The following OTUD5 variants were observed in gnomAD, a reference collection of about 807,000 sequenced individuals.
The protein encoded by OTUD5 is OTU domain-containing protein 5.
In OTUD5, 2 loss-of-function variants were observed where a neutral mutation model predicts 36.3. The ratio of observed to expected loss-of-function variants is 0.06; its 90% CI spans 0.02 to 0.17. The LOEUF is 0.17. Among genes scored for constraint, OTUD5 ranks in the 10% least tolerant of loss-of-function variants. The pLI, the probability that OTUD5 is intolerant of heterozygous loss-of-function variation, is 1.00. For synonymous variants in OTUD5, 234 were observed against 214.9 expected (o/e 1.09, Z -0.78); for missense variants, 233 against 512.3 (o/e 0.45, Z 5.26).
intron 2 of OTUD5, among the ~76,000 whole-genome samples, chrX:48,935,430 T>C (rs373024151): frequency 3.6e-5 from 4 of 110,897 alleles, no homozygotes; most frequent in African/African-American, 1.3e-4. Flanking sequence ...AAAGAGTCAG[T>C]CTGTGACAGA....
intron 2 of OTUD5, among the ~76,000 whole-genome samples, chrX:48,942,701 T>C (rs1413881254): frequency 2.8e-5 from 3 of 107,672 alleles, no homozygotes; most frequent in Non-Finnish European, 5.8e-5. Flanking sequence ...GAGGAGACCA[T>C]TCACTCCACC....
chrX:48,947,378 C>A (rs2147649845), intron 1 of OTUD5, among the ~76,000 whole-genome samples: 1 of 109,358 alleles, frequency 9.1e-6, no homozygotes, highest in South Asian at 4.0e-4. Context: ...GAGTGAGACT[C>A]TGTCTCAAAA....
chrX:48,940,163 T>C (rs1557050724), intron 2 of OTUD5: 2 of 113,593 alleles, frequency 1.8e-5, no homozygotes, highest in Non-Finnish European at 3.8e-5. Context: ...CTACCCCAAC[T>C]AGCATACCCT....
Position 48,923,121 on chromosome X carries a change from C to T in OTUD5, c.*53G>A. The stretch of plus-strand genomic sequence containing the variant: ...GAAGCCAAAGAAGGTGAGGTGGCAC[C>T]GGAGAGCAGGAGTACTGGGGTTGGG... On this transcript the variant is annotated 3_prime_UTR_variant, in exon 9 of 9. Transcript: ENST00000376488. The T allele has an allele frequency of 8.3e-7, 1 of 1,207,758 alleles. No individual in the cohort carries two copies.
chrX:48,935,082 G>A (rs782596497), intron 2 of OTUD5, 64 bp from the exon 3 acceptor site: 334 of 1,031,459 alleles, frequency 3.2e-4, no homozygotes, highest in Non-Finnish European at 4.2e-4. Context: ...CTGAATCATA[G>A]AACATCCTTT....
intron 5 of OTUD5, among the ~76,000 whole-genome samples, chrX:48,932,780 CA>C (rs782329683): frequency 8.9e-5 from 9 of 100,855 alleles, no homozygotes; most frequent in African/African-American, 1.1e-4. Context: ...CTTGTCTCTA[CA>C]AAAAAAAAAA....
chrX:48,947,920 A>C (rs2147652696), intron 1 of OTUD5, among the ~76,000 whole-genome samples: 1 of 111,966 alleles, frequency 8.9e-6, no homozygotes, highest in African/African-American at 3.2e-5. Context: ...CTAGGCAGGT[A>C]AGCAGGGAGG....
At chrX:48,933,180 G>A (rs1557049206) in intron 5 of OTUD5, among the ~76,000 whole-genome samples, 1 of 111,344 alleles carries the variant, frequency 9.0e-6, no homozygotes. Flanking sequence ...AGAAAATTCT[G>A]AGAAACTGTC....
At position 48,923,292 on chromosome X, in the gene OTUD5, A is replaced by G; in HGVS notation, c.1583T>C (p.Leu528Pro). The change falls in exon 9 of 9, where the codon CTG (leucine) becomes CCG (proline). Residue 528 changes from leucine (L) to proline (P), a missense_variant. Leu to Pro is a moderately conservative substitution (Grantham distance 98, BLOSUM62 -3). This residue lies in a region of OTUD5 where 57 missense variants were observed against 133.1 expected (regional missense o/e 0.43). Transcript: ENST00000376488. ...GATCTCATCATCATCCCAGTCATTC[A>G]GACCTGCTGGGCGAGAGGAAGAGGA... ...IQQMSPSAFG[L>P]NDWDDDEILA... The G allele has an allele frequency of 2.5e-6, 3 of 1,203,794 alleles. No homozygotes were observed. The highest frequency in any genetic ancestry group is 3.4e-6 in the Non-Finnish European group (3 of 888,887).
At chrX:48,949,966 T>C in intron 1 of OTUD5, among the ~76,000 whole-genome samples, 1 of 109,761 alleles carries the variant, frequency 9.1e-6, no homozygotes. Context: ...CTGGCCAACA[T>C]GGCAAAACCC....
In OTUD5 at chrX:48,922,608, C is replaced by T. The variant is rs1557046505; in HGVS notation, c.*566G>A. The stretch of plus-strand genomic sequence containing the variant: ...GCCACCTTCACAGAGCCAGTGCTGT[C>T]GTCTATATCATTTTTGATTAGTTGA... On this transcript the variant is annotated 3_prime_UTR_variant, in exon 9 of 9. Coordinates refer to ENST00000376488, the MANE Select transcript of OTUD5 (RefSeq NM_001136157.2). 4.0e-6 allele frequency: 3 copies of T among 750,398 alleles called. No individual in the cohort carries two copies. The highest frequency in any genetic ancestry group is 2.3e-5 in the African/African-American group (1 of 43,112). 61.8% of individuals were successfully genotyped at this position (750,398 alleles called of 1,213,427 possible).
In OTUD5 at chrX:48,925,838, A is replaced by G. The variant is rs375826774; in HGVS notation, c.1263+9T>C. On this transcript the variant is annotated intron_variant, in intron 6 of 8. Coordinates refer to ENST00000376488, the MANE Select transcript of OTUD5 (RefSeq NM_001136157.2). ...TTTGGCCAAGCCTGTGACAGAGTCCATGACCCACCTGGCTGGGGCCTCGGA... is the reference window on the plus strand; with the variant it reads ...TTTGGCCAAGCCTGTGACAGAGTCCGTGACCCACCTGGCTGGGGCCTCGGA... 12 of 1,197,938 alleles carry G rather than the reference A, an allele frequency of 1.0e-5. No homozygotes were observed. In the African/African-American group the frequency reaches 2.1e-4, roughly 21 times the overall value.
chrX:48,957,550 C>G lies in OTUD5; in HGVS notation c.21G>C (p.Lys7Asn). 2.4e-6 allele frequency: 2 copies of G among 818,885 alleles called. No individual in the cohort carries two copies. Among genetic ancestry groups the G allele is most frequent in the Non-Finnish European group, 1.5e-6 (1 of 674,111 alleles). The allele number at this position is 818,885 out of a possible 1,213,427, so 67.5% of individuals were successfully genotyped here. ...GGTCGGCGTCGGGAGGCGGCGGCTTCTTTTTGGGGAGTATAGTCATGGCTG... is the reference window on the plus strand; with the variant it reads ...GGTCGGCGTCGGGAGGCGGCGGCTTGTTTTTGGGGAGTATAGTCATGGCTG... MTILPK[K>N]KPPPPDADPA... Residue 7 changes from lysine (K) to asparagine (N), a missense_variant, in exon 1 of 9, where the codon AAG becomes AAC. Physicochemically the swap from Lys to Asn is moderately conservative, Grantham distance 94. Coordinates refer to ENST00000376488, the MANE Select transcript of OTUD5 (RefSeq NM_001136157.2).
intron 1 of OTUD5, among the ~76,000 whole-genome samples, chrX:48,954,289 T>G (rs1405976411): frequency 9.0e-6 from 1 of 110,836 alleles, no homozygotes; most frequent in African/African-American, 3.3e-5. Context: ...GGGACAAGTA[T>G]AAGGGAGGGA....
rs2064275489 is a variant in OTUD5, at chrX:48,957,606, G to A, written c.-36C>T. 3 of 814,198 alleles carry A rather than the reference G, an allele frequency of 3.7e-6. No homozygotes were observed. The highest frequency in any genetic ancestry group is 4.5e-6 in the Non-Finnish European group (3 of 669,981). The allele number at this position is 814,198 out of a possible 1,213,427, so 67.1% of individuals were successfully genotyped here. On this transcript the variant is annotated 5_prime_UTR_variant, in exon 1 of 9. Transcript: ENST00000376488. ...CCGAGTACCCCCCAACAAACCCGGC[G>A]CGGGGCACGCCGGGAGAGAACCCGG...
At chrX:48,945,521 C>T (rs1480895605) in intron 1 of OTUD5, among the ~76,000 whole-genome samples, 1 of 110,382 alleles carries the variant, frequency 9.1e-6, no homozygotes, top group African/African-American at 3.3e-5. Flanking sequence ...CCACCCACCT[C>T]GGCCTCCCAA....
upstream of OTUD5, chrX:48,958,127 C>T (rs1406457104): frequency 8.8e-6 from 1 of 113,434 alleles, no homozygotes; most frequent in Non-Finnish European, 1.9e-5. Flanking sequence ...GCTCGCCCTC[C>T]GGTGCCCTCC....
Position 48,922,745 on chromosome X carries a change from G to T in OTUD5, c.*429C>A, listed in dbSNP as rs1430470379. 3 of 759,186 alleles carry T rather than the reference G, an allele frequency of 4.0e-6. No individual in the cohort carries two copies. The highest frequency in any genetic ancestry group is 4.7e-6 in the Non-Finnish European group (3 of 643,294). 62.6% of individuals were successfully genotyped at this position (759,186 alleles called of 1,213,427 possible). The stretch of plus-strand genomic sequence containing the variant: ...CCCACTTCTTCCTCCCACCTCCCTG[G>T]CATCAGTGTCGGGGGGTGGCGGCAA... On this transcript the variant is annotated 3_prime_UTR_variant, in exon 9 of 9. Coordinates refer to ENST00000376488, the MANE Select transcript of OTUD5 (RefSeq NM_001136157.2).
intron 1 of OTUD5, among the ~76,000 whole-genome samples, chrX:48,951,892 C>T (rs1473109036): frequency 1.8e-5 from 2 of 110,484 alleles, no homozygotes; most frequent in Non-Finnish European, 3.8e-5. Flanking sequence ...CCCATCTCTA[C>T]TAAATATACA....
Sources: gnomAD v4.1 joint callset for allele counts (sites outside exome capture counted in the v4.1 genomes callset) on GRCh38, gnomAD v4.1.1 for gene constraint, gnomAD v4.1.1 regional missense constraint, MANE v1.5 for transcripts, NCBI Gene and HGNC (gene_info 2026-07-23, HGNC 2026-07-21) for gene names.